The following ANKRD13C variants were observed in gnomAD, a reference collection of about 807,000 sequenced individuals.
ANKRD13C encodes the protein ankyrin repeat domain 13C, also known as ankyrin repeat domain-containing protein 13C.
A neutral mutation model predicts 65.5 loss-of-function variants in ANKRD13C; 16 were observed. That is an observed-to-expected ratio of 0.24 (90% CI 0.17 to 0.37). ANKRD13C has a LOEUF of 0.37. Among genes scored for constraint, ANKRD13C ranks in the 10% least tolerant of loss-of-function variants. The pLI is 1.00. For missense variants in ANKRD13C, 503 were observed against 655.9 expected (o/e 0.77, Z 2.55); for synonymous variants, 235 against 238.7 (o/e 0.98, Z 0.14).
In ANKRD13C at chr1:70,336,042, G is replaced by T; in HGVS notation, c.472+16C>A. On this transcript the variant is annotated intron_variant, in intron 2 of 12. Coordinates refer to ENST00000370944, the MANE Select transcript of ANKRD13C (RefSeq NM_030816.5). ...ATAAATGAAGTTAAACATAAAAAAA[G>T]AAAATATTTACTAACCTTTATTTCC... 1 of 794,226 alleles carries T rather than the reference G, an allele frequency of 1.3e-6. No individual in the cohort carries two copies. The highest frequency in any genetic ancestry group is 2.5e-5 in the South Asian group (1 of 40,596). The allele number at this position is 794,226 out of a possible 1,614,324, so 49.2% of individuals were successfully genotyped here.
chr1:70,313,836 A>G, intron 4 of ANKRD13C, 46 bp from the exon 5 acceptor site: 1 of 1,411,188 alleles, frequency 7.1e-7, no homozygotes, highest in Non-Finnish European at 1.0e-6. Flanking sequence ...CTTAGTTAAA[A>G]GTTCTTATGC....
At position 70,268,037 on chromosome 1, in the gene ANKRD13C, TTTG is replaced by T. The variant is rs542269476; in HGVS notation, c.1495+2816_1495+2818del. Among the ~76,000 whole-genome samples, 509 of 152,278 alleles carry T rather than the reference TTTG, an allele frequency of 3.3e-3. 5 individuals carry two copies. The highest frequency in any genetic ancestry group is 0.031 in the South Asian group (148 of 4,824). ...GTGCTGGTGGAATTACAGGTGCTTT[TTTG>T]TTGTTGTTGTTGTTTTTTGTTTGAT... On this transcript the variant is annotated intron_variant, in intron 12 of 12. Coordinates refer to ENST00000370944, the MANE Select transcript of ANKRD13C (RefSeq NM_030816.5).
chr1:70,263,059 C>A (rs889239580), intron 12 of ANKRD13C, among the ~76,000 whole-genome samples: 1 of 151,760 alleles, frequency 6.6e-6, no homozygotes, highest in African/African-American at 2.4e-5. Flanking sequence ...GACATTCAGG[C>A]ATCCAGCATT....
rs1216448672 is a variant in ANKRD13C, at chr1:70,261,451, TA to T, written c.*1265del. On this transcript the variant is annotated 3_prime_UTR_variant, in exon 13 of 13. Transcript: ENST00000370944. ...ACATCAATCTAAGTAAGCTCTTTAA[TA>T]CAACATGATACTTTATAACTGTTAT... 1 of 152,106 alleles carries T rather than the reference TA, an allele frequency of 6.6e-6. No individual in the cohort carries two copies. The highest frequency in any genetic ancestry group is 1.5e-5 in the Non-Finnish European group (1 of 67,956). The allele number at this position is 152,106 out of a possible 1,614,324, so 9.4% of individuals were successfully genotyped here. A position where few individuals can be genotyped will look rare whatever the true frequency, so the allele number is the denominator to read the frequency against.
In ANKRD13C at chr1:70,282,423, A is replaced by T. The variant is rs1679438673; in HGVS notation, c.1216-5579T>A. Among the ~76,000 whole-genome samples, 3 of 152,266 alleles carry T rather than the reference A, an allele frequency of 2.0e-5. No individual in the cohort carries two copies. The South Asian group carries it at 6.2e-4, about 32-fold the overall frequency. On this transcript the variant is annotated intron_variant, in intron 9 of 12. Transcript: ENST00000370944. Reference sequence around the variant, plus strand: ...GGAATGGCAGAGAAGACAAAAGAAAAAAAGTTGTCTGGGATTAACCCACAG... The same window carrying T: ...GGAATGGCAGAGAAGACAAAAGAAATAAAGTTGTCTGGGATTAACCCACAG...
At chr1:70,309,798 C>T (rs1382320911) in intron 5 of ANKRD13C, among the ~76,000 whole-genome samples, 1 of 150,040 alleles carries the variant, frequency 6.7e-6, no homozygotes, top group African/African-American at 2.4e-5. Flanking sequence ...CTGTAGACAA[C>T]AAATAAAAAT....
At chr1:70,350,512 G>A (rs79380594) in intron 1 of ANKRD13C, among the ~76,000 whole-genome samples, 2,656 of 152,228 alleles carry the variant, frequency 0.017, 83 homozygotes, top group African/African-American at 0.06. Flanking sequence ...TATTTGGGCC[G>A]TTATATAAAA....
At chr1:70,316,492 G>A (rs773549643) in intron 3 of ANKRD13C, among the ~76,000 whole-genome samples, 8 of 151,108 alleles carry the variant, frequency 5.3e-5, no homozygotes, top group Non-Finnish European at 8.8e-5. Flanking sequence ...AGACCAGCCT[G>A]GGAAACATAG....
At position 70,354,119 on chromosome 1, in the gene ANKRD13C, C is replaced by A. The variant is rs190962667; in HGVS notation, c.290G>T (p.Gly97Val). The change falls in exon 1 of 13, where the codon GGC (glycine) becomes GTC (valine). Residue 97 changes from glycine to valine, a missense_variant. Physicochemically the swap from Gly to Val is moderately radical, Grantham distance 109. Around this residue, in one of 2 missense-constraint regions of ANKRD13C, gnomAD observed 203 missense variants for 177.6 expected, o/e 1.14. Coordinates refer to ENST00000370944, the MANE Select transcript of ANKRD13C (RefSeq NM_030816.5). ...ANSQSPALLA[G>V]TNPVAVVADG... is the part of the protein sequence containing the mutation. Reference sequence around the variant, plus strand: ...CGCGACGACAGCAACGGGGTTGGTGCCGGCCAGAAGGGCCGGGGACTGGGA... The same window carrying A: ...CGCGACGACAGCAACGGGGTTGGTGACGGCCAGAAGGGCCGGGGACTGGGA... 6.2e-7 allele frequency: 1 copy of A among 1,613,582 alleles called. No individual in the cohort carries two copies. The highest frequency in any genetic ancestry group is 8.5e-7 in the Non-Finnish European group (1 of 1,179,646).
intron 3 of ANKRD13C, among the ~76,000 whole-genome samples, chr1:70,316,485 C>G (rs1442951842): frequency 4.0e-5 from 6 of 150,804 alleles, no homozygotes; most frequent in African/African-American, 1.5e-4. Context: ...GAGTTCGAGA[C>G]CAGCCTGGGA....
In ANKRD13C at chr1:70,354,430, G is replaced by T; in HGVS notation, c.-22C>A. 2 of 1,600,444 alleles carry T rather than the reference G, an allele frequency of 1.2e-6. No homozygotes were observed. The highest frequency in any genetic ancestry group is 2.2e-5 in the East Asian group (1 of 44,668). On this transcript the variant is annotated 5_prime_UTR_variant, in exon 1 of 13. Coordinates refer to ENST00000370944, the MANE Select transcript of ANKRD13C (RefSeq NM_030816.5). ...TCATCGCCGCCGCCAGGGGCAAGGG[G>T]GGGAATCGGGAGGCTCACCGCTGGC... is the stretch of plus-strand genomic sequence containing the variant.
intron 9 of ANKRD13C, among the ~76,000 whole-genome samples, chr1:70,279,500 CTTTTTTTTTTTTT>C (rs757385338): frequency 2.0e-5 from 2 of 101,282 alleles, no homozygotes; most frequent in Non-Finnish European, 2.0e-5. Context: ...TTTTGAGCTA[CTTTTTTTTTTTTT>C]TTTTTTTTTT....
At chr1:70,274,861 G>T in intron 10 of ANKRD13C, 43 bp from the exon 11 acceptor site, 1 of 1,195,262 alleles carries the variant, frequency 8.4e-7, no homozygotes, top group Non-Finnish European at 1.2e-6. Context: ...TTTTTCCATA[G>T]TCTATCACCT....
rs1320238854 is a variant in ANKRD13C, at chr1:70,354,543, G to A, written c.-135C>T. 7.7e-6 allele frequency: 11 copies of A among 1,437,448 alleles called. No homozygotes were observed. The highest frequency in any genetic ancestry group is 1.0e-5 in the Non-Finnish European group (11 of 1,100,826). The allele number at this position is 1,437,448 out of a possible 1,614,324, so 89.0% of individuals were successfully genotyped here. ...GCATGAACTCCCACTGAGCCCCCGA[G>A]CCTGGGACAAACGCATCTCCCGGGG... On this transcript the variant is annotated 5_prime_UTR_variant, in exon 1 of 13. Transcript: ENST00000370944.
At chr1:70,272,564 C>T (rs548858279) in intron 11 of ANKRD13C, among the ~76,000 whole-genome samples, 3 of 152,038 alleles carry the variant, frequency 2.0e-5, no homozygotes, top group East Asian at 3.9e-4. Flanking sequence ...ATAACTGCCA[C>T]ATTTTATAAA....
At chr1:70,337,731 T>C (rs1682106611) in intron 1 of ANKRD13C, among the ~76,000 whole-genome samples, 1 of 152,140 alleles carries the variant, frequency 6.6e-6, no homozygotes, top group Non-Finnish European at 1.5e-5. Flanking sequence ...TGACATTATG[T>C]TTTTCAGAAA....
chr1:70,272,451 C>T (rs991702371), intron 11 of ANKRD13C, among the ~76,000 whole-genome samples: 1 of 151,984 alleles, frequency 6.6e-6, no homozygotes, highest in African/African-American at 2.4e-5. Context: ...AACTCCCAAC[C>T]TCAGGTGATC....
At chr1:70,307,943 T>C (rs980453373) in intron 5 of ANKRD13C, among the ~76,000 whole-genome samples, 3 of 152,100 alleles carry the variant, frequency 2.0e-5, no homozygotes, top group Non-Finnish European at 4.4e-5. Context: ...AGCAAAACCC[T>C]ATCTCTTTGA....
intron 9 of ANKRD13C, among the ~76,000 whole-genome samples, chr1:70,282,085 C>T (rs1325732677): frequency 2.8e-5 from 4 of 141,874 alleles, no homozygotes; most frequent in South Asian, 2.3e-4. Context: ...GATGGAGTCT[C>T]GCTCTGTCAC....
Sources: allele counts gnomAD v4.1 joint callset (sites outside exome capture counted in the v4.1 genomes callset), GRCh38; gene constraint gnomAD v4.1.1; regional missense constraint gnomAD v4.1.1; transcripts MANE v1.5; gene names NCBI Gene and HGNC (gene_info 2026-07-23, HGNC 2026-07-21).